Variants in CEP72 observed in about 807,000 individuals in gnomAD.
The protein encoded by CEP72 is centrosomal protein 72.
In CEP72, 78 loss-of-function variants were observed where a neutral mutation model predicts 65.7. The ratio of observed to expected loss-of-function variants is 1.19; its 90% CI spans 0.99 to 1.43. The LOEUF (loss-of-function observed/expected upper bound fraction) is 1.43. Among genes scored for constraint, CEP72 ranks in the 40% most tolerant of loss-of-function variants. The pLI, the probability that CEP72 is intolerant of heterozygous loss-of-function variation, is 0.00. For synonymous variants in CEP72, 358 were observed against 351.7 expected, an observed-to-expected ratio of 1.02 and a Z score of -0.20; for missense variants, 914 against 832.9, an observed-to-expected ratio of 1.10 and a Z score of -1.20.
downstream of CEP72, chr5:660,473 T>G (rs1739542616): frequency 6.6e-6 from 1 of 152,356 alleles, no homozygotes; most frequent in Admixed American, 6.5e-5. Flanking sequence ...GGAGGAAAGA[T>G]GCAGGTTCAG....
At chr5:672,947 G>T in the CEP72 span, among the ~76,000 whole-genome samples, 1 of 152,204 alleles carries the variant, frequency 6.6e-6, no homozygotes, top group African/African-American at 2.4e-5. Context: ...ACAAAGGCTC[G>T]CAGATACCCC....
At chr5:670,437 T>C (rs1205261552), downstream of CEP72, among the ~76,000 whole-genome samples, 3 of 152,116 alleles carry the variant, frequency 2.0e-5, no homozygotes, top group Non-Finnish European at 2.9e-5. Flanking sequence ...AGCCTCTCCC[T>C]GTACTTAGGC....
At chr5:648,789 T>G (rs901831662) in intron 11 of CEP72, among the ~76,000 whole-genome samples, 5 of 93,536 alleles carry the variant, frequency 5.3e-5, no homozygotes, top group Admixed American at 1.2e-4. Flanking sequence ...GACTGTGAGG[T>G]GTGACTGTGA....
chr5:675,178 T>G, the CEP72 span, among the ~76,000 whole-genome samples: 1 of 86,716 alleles, frequency 1.2e-5, no homozygotes, highest in African/African-American at 4.3e-5. Context: ...GAATGCAACA[T>G]GGAGGGTACG....
chr5:629,418 T>C (rs1737058006), intron 4 of CEP72, among the ~76,000 whole-genome samples: 1 of 151,822 alleles, frequency 6.6e-6, no homozygotes, highest in African/African-American at 2.4e-5. Flanking sequence ...AGTGCCGGGA[T>C]TTGGACCAGT....
intron 9 of CEP72, chr5:641,658 G>A (rs1738036417): frequency 1.0e-6 from 1 of 982,668 alleles, no homozygotes; most frequent in African/African-American, 1.8e-5. Flanking sequence ...TCCTCCATCT[G>A]GAAGCCTCTG....
downstream of CEP72, among the ~76,000 whole-genome samples, chr5:668,474 G>A (rs1740044357): frequency 1.3e-5 from 2 of 152,040 alleles, no homozygotes; most frequent in Admixed American, 6.5e-5. Flanking sequence ...AGGGGGCCGC[G>A]TGGGCGCCGT....
chr5:636,576 C>T (rs924899357), intron 6 of CEP72, among the ~76,000 whole-genome samples: 14 of 152,094 alleles, frequency 9.2e-5, no homozygotes, highest in Admixed American at 7.9e-4. Context: ...TTTGGGAGGC[C>T]GAGGCAGGCG....
chr5:620,515 C>A (rs1246663339), intron 3 of CEP72, among the ~76,000 whole-genome samples: 1 of 152,206 alleles, frequency 6.6e-6, no homozygotes, highest in Non-Finnish European at 1.5e-5. Context: ...CAGCCCCGGA[C>A]CAGGCTGCTA....
In CEP72 at chr5:623,091, G is replaced by A. The variant is rs1195268775; in HGVS notation, c.404-1380G>A. Among the ~76,000 whole-genome samples, 1 of 151,206 alleles carries A rather than the reference G, an allele frequency of 6.6e-6. No individual in the cohort carries two copies. The highest frequency in any genetic ancestry group is 1.5e-5 in the Non-Finnish European group (1 of 67,930). On this transcript the variant is annotated intron_variant, in intron 3 of 11. Coordinates refer to ENST00000264935, the MANE Select transcript of CEP72 (RefSeq NM_018140.4). This position sits in a 1 kb window ranked among gnomAD's most constrained non-coding sequence, Gnocchi z 5.3. ...CTCTTAGTGTTTCTGCAGAGAAGGAGCGCGACCGTCTCCCTCTTAGTGTTT... is the reference window on the plus strand; with the variant it reads ...CTCTTAGTGTTTCTGCAGAGAAGGAACGCGACCGTCTCCCTCTTAGTGTTT...
the CEP72 span, among the ~76,000 whole-genome samples, chr5:672,406 T>C: frequency 7.2e-5 from 11 of 152,342 alleles, no homozygotes; most frequent in East Asian, 2.1e-3. Flanking sequence ...GTGCATTTAC[T>C]TGGGAAAATA....
chr5:662,038 G>A (rs1012632873), downstream of CEP72: 1 of 152,452 alleles, frequency 6.6e-6, no homozygotes, highest in African/African-American at 2.4e-5. Context: ...CAGCAGCCTC[G>A]ATCTCATTCA....
At chr5:633,590 G>T (rs1737372609) in intron 4 of CEP72, among the ~76,000 whole-genome samples, 179 bp from the exon 5 acceptor site, 1 of 152,242 alleles carries the variant, frequency 6.6e-6, no homozygotes, top group Non-Finnish European at 1.5e-5. Flanking sequence ...CTCACCGATT[G>T]TCCTTGGTGA....
chr5:669,032 G>A (rs560517922), downstream of CEP72, among the ~76,000 whole-genome samples: 16 of 152,322 alleles, frequency 1.1e-4, no homozygotes, highest in African/African-American at 2.4e-4. Flanking sequence ...CATCAACAGC[G>A]CTGAGCCAAA....
At chr5:620,898 TTGTTGC>T (rs1192299883) in intron 3 of CEP72, among the ~76,000 whole-genome samples, 2 of 152,180 alleles carry the variant, frequency 1.3e-5, no homozygotes. Context: ...CCCGGAGGCA[TTGTTGC>T]TGTTGCTGTT....
downstream of CEP72, among the ~76,000 whole-genome samples, chr5:654,348 C>T (rs1415787706): frequency 2.1e-5 from 3 of 140,648 alleles, no homozygotes; most frequent in Non-Finnish European, 4.7e-5. Flanking sequence ...TGTGCGCGCA[C>T]GCACCCTGTG....
the CEP72 span, among the ~76,000 whole-genome samples, chr5:674,048 C>G: frequency 6.6e-6 from 1 of 152,200 alleles, no homozygotes; most frequent in Non-Finnish European, 1.5e-5. Context: ...GTGTCCGGGC[C>G]AGCGCCAAGG....
chr5:631,907 C>T (rs1449620894), intron 4 of CEP72, among the ~76,000 whole-genome samples: 5 of 45,288 alleles, frequency 1.1e-4, no homozygotes, highest in Non-Finnish European at 8.9e-5. Flanking sequence ...TGTCCAGTGC[C>T]GGGATTTGGC....
intron 5 of CEP72, among the ~76,000 whole-genome samples, chr5:634,219 C>T (rs994799397): frequency 1.3e-5 from 2 of 152,234 alleles, no homozygotes; most frequent in East Asian, 1.9e-4. Flanking sequence ...CTGTCTAAAA[C>T]AGACAAGAAG....
Sources: gnomAD v4.1 joint callset for allele counts (sites outside exome capture counted in the v4.1 genomes callset) on GRCh38, gnomAD v4.1.1 for gene constraint, Gnocchi (gnomAD v3.1) non-coding constraint, MANE v1.5 for transcripts, NCBI Gene and HGNC (gene_info 2026-07-23, HGNC 2026-07-21) for gene names.